Variants in OR10J1 observed in about 807,000 individuals in gnomAD.
OR10J1 encodes olfactory receptor 10J1.
For synonymous variants in OR10J1, 202 were observed against 143.8 expected (o/e 1.40, Z -2.89); for missense variants, 474 against 376.6 (o/e 1.26, Z -2.14).
At chr1:159,439,679 G>T, upstream of OR10J1, 2 of 1,319,750 alleles carry the variant, frequency 1.5e-6, no homozygotes, top group Admixed American at 3.8e-5. Context: ...TACATCACCA[G>T]ATTTGTAACT....
chr1:159,406,460 T>A, the OR10J1 span: 1 of 281,074 alleles, frequency 3.6e-6, no homozygotes, highest in Non-Finnish European at 7.0e-6. Context: ...CTGAGCAGCA[T>A]CAGTTTTTTG....
At chr1:159,410,863 G>T in the OR10J1 span, among the ~76,000 whole-genome samples, 1 of 150,254 alleles carries the variant, frequency 6.7e-6, no homozygotes, top group East Asian at 2.0e-4. Context: ...TCTACACACT[G>T]CTTTGAATGT....
the OR10J1 span, chr1:159,432,178 T>C: frequency 2.5e-6 from 1 of 400,602 alleles, no homozygotes; most frequent in Non-Finnish European, 4.4e-6. Flanking sequence ...TCCCACTTCA[T>C]CTCTTTCAGA....
chr1:159,425,603 T>A, the OR10J1 span, among the ~76,000 whole-genome samples: 2 of 151,960 alleles, frequency 1.3e-5, no homozygotes, highest in Non-Finnish European at 2.9e-5. Flanking sequence ...AGAAAAAAAT[T>A]GCAAAGAAAG....
the OR10J1 span, among the ~76,000 whole-genome samples, chr1:159,428,589 C>T: frequency 2.0e-5 from 3 of 152,262 alleles, no homozygotes; most frequent in Admixed American, 1.3e-4. Flanking sequence ...TTTAAGCCTT[C>T]CTTTAGCTGC....
At chr1:159,413,590 C>CA in the OR10J1 span, among the ~76,000 whole-genome samples, 3 of 149,720 alleles carry the variant, frequency 2.0e-5, no homozygotes, top group South Asian at 6.3e-4. Flanking sequence ...ATCACAAGAA[C>CA]AAAAAACCAA....
the OR10J1 span, among the ~76,000 whole-genome samples, chr1:159,428,045 C>T: frequency 0.11 from 16,643 of 151,972 alleles, 1,137 homozygotes; most frequent in Admixed American, 0.15. Context: ...AGGGAACTTC[C>T]TTATATCTGC....
the OR10J1 span, chr1:159,432,199 C>T: frequency 7.5e-6 from 3 of 400,652 alleles, no homozygotes; most frequent in Non-Finnish European, 8.8e-6. Context: ...CTCAGATTCT[C>T]CTCAATGCCA....
chr1:159,418,514 C>G, the OR10J1 span, among the ~76,000 whole-genome samples: 5 of 152,146 alleles, frequency 3.3e-5, no homozygotes, highest in East Asian at 9.6e-4. Flanking sequence ...AGTCAAGAAT[C>G]GAGGCTTGGG....
chr1:159,440,738 C>A lies in OR10J1; in HGVS notation c.*17C>A. 6.3e-7 allele frequency: 1 copy of A among 1,596,670 alleles called. No homozygotes were observed. The highest frequency in any genetic ancestry group is 1.1e-5 in the South Asian group (1 of 88,874). ...TTTTCCTGACCATGTAGGAAGAGTTCTCCTGAGGCTGTCAACATCCACACT... is the reference window on the plus strand; with the variant it reads ...TTTTCCTGACCATGTAGGAAGAGTTATCCTGAGGCTGTCAACATCCACACT... On this transcript the variant is annotated 3_prime_UTR_variant, in exon 1 of 1. Coordinates refer to ENST00000423932, the MANE Select transcript of OR10J1 (RefSeq NM_012351.3).
At chr1:159,421,253 T>C in the OR10J1 span, among the ~76,000 whole-genome samples, 4 of 151,876 alleles carry the variant, frequency 2.6e-5, no homozygotes, top group East Asian at 7.7e-4. Context: ...TTAGGTTCTT[T>C]TTTATGTTAT....
At chr1:159,419,343 C>T in the OR10J1 span, among the ~76,000 whole-genome samples, 1 of 152,116 alleles carries the variant, frequency 6.6e-6, no homozygotes, top group Non-Finnish European at 1.5e-5. Context: ...GTAATTGAAT[C>T]ATGGGGGTGG....
At chr1:159,432,787 T>C in the OR10J1 span, 1 of 273,414 alleles carries the variant, frequency 3.7e-6, no homozygotes, top group Non-Finnish European at 6.2e-6. Flanking sequence ...GACACTACTA[T>C]CAAGGAGTTA....
upstream of OR10J1, among the ~76,000 whole-genome samples, chr1:159,439,350 A>G (rs1391253920): frequency 1.3e-5 from 2 of 152,234 alleles, no homozygotes; most frequent in Admixed American, 6.5e-5. Context: ...AAGTGTTTGT[A>G]TGAGGTGAGG....
At chr1:159,433,188 C>T, upstream of OR10J1, 1 of 397,954 alleles carries the variant, frequency 2.5e-6, no homozygotes, top group Non-Finnish European at 4.4e-6. Flanking sequence ...GATGAGGTGT[C>T]ACAGTGAGAG....
At chr1:159,425,938 T>C in the OR10J1 span, among the ~76,000 whole-genome samples, 2 of 152,028 alleles carry the variant, frequency 1.3e-5, no homozygotes, top group Non-Finnish European at 2.9e-5. Context: ...GTGTGAATAA[T>C]AACTAACTTT....
upstream of OR10J1, among the ~76,000 whole-genome samples, chr1:159,434,787 T>C (rs1655688562): frequency 6.6e-6 from 1 of 152,126 alleles, no homozygotes; most frequent in African/African-American, 2.4e-5. Flanking sequence ...GTTATGGACA[T>C]ACCATTCCCT....
upstream of OR10J1, among the ~76,000 whole-genome samples, chr1:159,433,425 C>T (rs1416713247): frequency 6.6e-6 from 1 of 152,094 alleles, no homozygotes; most frequent in Non-Finnish European, 1.5e-5. Context: ...ATTCCTGTTA[C>T]TCTTGTCATA....
chr1:159,406,001 G>A, the OR10J1 span: 3 of 444,670 alleles, frequency 6.7e-6, no homozygotes, highest in Non-Finnish European at 8.6e-6. Flanking sequence ...AGACCACATA[G>A]CAATCATATC....
Sources: gnomAD v4.1 joint callset for allele counts (sites outside exome capture counted in the v4.1 genomes callset) on GRCh38, gnomAD v4.1.1 for gene constraint, MANE v1.5 for transcripts, NCBI Gene and HGNC (gene_info 2026-07-23, HGNC 2026-07-21) for gene names.